ARHGEF10: variants seen among roughly 807,000 people sequenced by gnomAD.
ARHGEF10 encodes the protein Rho guanine nucleotide exchange factor 10.
ARHGEF10 carries 140 observed loss-of-function variants against 147.4 expected under a neutral mutation model. The ratio of observed to expected loss-of-function variants is 0.95; its 90% CI spans 0.83 to 1.09. The LOEUF (loss-of-function observed/expected upper bound fraction) is 1.09. Among genes scored for constraint, ARHGEF10 ranks in the 50% least tolerant of loss-of-function variants. ARHGEF10 has a pLI of 0.00. For synonymous variants in ARHGEF10, 902 were observed against 695.8 expected, an observed-to-expected ratio of 1.30 and a Z score of -4.67; for missense variants, 2,222 against 1,752.7, an observed-to-expected ratio of 1.27 and a Z score of -4.78.
intron 12 of ARHGEF10, among the ~76,000 whole-genome samples, chr8:1,894,063 A>G (rs1332364089): frequency 6.6e-6 from 1 of 151,616 alleles, no homozygotes; most frequent in Non-Finnish European, 1.5e-5. Flanking sequence ...GGTCCCAGCT[A>G]CTCGGGAGGC....
At chr8:1,936,764 C>G (rs903463909) in intron 26 of ARHGEF10, among the ~76,000 whole-genome samples, 1 of 152,208 alleles carries the variant, frequency 6.6e-6, no homozygotes, top group African/African-American at 2.4e-5. Context: ...CATATTTGCA[C>G]ACACTGACGA....
intron 18 of ARHGEF10, among the ~76,000 whole-genome samples, chr8:1,912,120 T>C (rs13278855): frequency 0.29 from 43,409 of 152,098 alleles, 6,453 homozygotes; most frequent in African/African-American, 0.36. Context: ...GGTAACCACC[T>C]GAGACCAGTG....
At chr8:1,879,171 C>T (rs965038594) in intron 8 of ARHGEF10, among the ~76,000 whole-genome samples, 15 of 152,298 alleles carry the variant, frequency 9.8e-5, no homozygotes, top group East Asian at 5.8e-4. Context: ...TGCCCCGAGA[C>T]GAGCCAGTGG....
intron 2 of ARHGEF10, among the ~76,000 whole-genome samples, chr8:1,847,156 G>A (rs1804624968): frequency 6.6e-6 from 1 of 152,202 alleles, no homozygotes; most frequent in South Asian, 2.1e-4. Flanking sequence ...TGTGCACCAG[G>A]AAAGATTTCA....
In ARHGEF10 at chr8:1,833,927, G is replaced by A. The variant is rs182610068; in HGVS notation, c.-47-9426G>A. ...AGCATTGTTGGGGAGCCGTGTCGGG[G>A]CTGCTGGGAGCCCCCCAATGACCAC... On this transcript the variant is annotated intron_variant, in intron 1 of 28. Transcript: ENST00000349830. 9.3e-4 allele frequency among the ~76,000 whole-genome samples: 141 copies of A among 152,292 alleles called. No homozygotes were observed. The East Asian group carries it at 0.025, about 27-fold the overall frequency.
intron 8 of ARHGEF10, among the ~76,000 whole-genome samples, chr8:1,877,797 G>A (rs1463426574): frequency 6.6e-6 from 1 of 152,030 alleles, no homozygotes; most frequent in African/African-American, 2.4e-5. Flanking sequence ...TGTACTTTCT[G>A]TGTGAGGCTG....
intron 17 of ARHGEF10, among the ~76,000 whole-genome samples, chr8:1,907,428 A>C (rs1435577282): frequency 6.6e-6 from 1 of 152,180 alleles, no homozygotes; most frequent in African/African-American, 2.4e-5. Context: ...AGATCATAGA[A>C]GTGAAATGAC....
At chr8:1,853,361 T>A (rs1460306616) in intron 2 of ARHGEF10, among the ~76,000 whole-genome samples, 1 of 152,228 alleles carries the variant, frequency 6.6e-6, no homozygotes, top group Non-Finnish European at 1.5e-5. Context: ...GGCCATGGTG[T>A]GTCCAGCGAA....
chr8:1,886,378 C>T (rs534028640), intron 11 of ARHGEF10, among the ~76,000 whole-genome samples: 60 of 152,250 alleles, frequency 3.9e-4, no homozygotes, highest in African/African-American at 1.3e-3. Context: ...GTGTAATCCA[C>T]GGATCTGGGG....
intron 2 of ARHGEF10, among the ~76,000 whole-genome samples, chr8:1,849,792 G>A (rs1162947040): frequency 1.4e-5 from 2 of 144,884 alleles, no homozygotes. Context: ...ATGCTGAGGA[G>A]GGCGTGGGCC....
In ARHGEF10 at chr8:1,928,577, C is replaced by T. The variant is rs1219448821; in HGVS notation, c.2848C>T (p.Pro950Ser). ...VEEKRREPGA[P>S]PDPETPAVRA... Reference sequence around the variant, plus strand: ...GGAGAAGCGCAGAGAGCCTGGGGCACCCCCGGACCCCGAGACCCCGGCCGT... The same window carrying T: ...GGAGAAGCGCAGAGAGCCTGGGGCATCCCCGGACCCCGAGACCCCGGCCGT... Residue 950 changes from proline (P) to serine (S), a missense_variant, in exon 24 of 29, where the codon CCC becomes TCC. Pro to Ser is a moderately conservative substitution (Grantham distance 74, BLOSUM62 -1). Transcript: ENST00000349830. The T allele has an allele frequency of 1.9e-6, 3 of 1,614,170 alleles. No homozygotes were observed. The highest frequency in any genetic ancestry group is 2.5e-6 in the Non-Finnish European group (3 of 1,180,034).
intron 4 of ARHGEF10, among the ~76,000 whole-genome samples, chr8:1,862,486 G>A (rs1443468897): frequency 6.6e-6 from 1 of 152,238 alleles, no homozygotes; most frequent in East Asian, 1.9e-4. Flanking sequence ...CTGTTTAGGC[G>A]ACTCCCTGGC....
At chr8:1,910,810 G>A (rs1322809980) in intron 18 of ARHGEF10, among the ~76,000 whole-genome samples, 1 of 152,136 alleles carries the variant, frequency 6.6e-6, no homozygotes, top group South Asian at 2.1e-4. Context: ...TATAATGCTA[G>A]CAATCTTAGA....
At chr8:1,933,110 C>G (rs1374222780) in intron 25 of ARHGEF10, among the ~76,000 whole-genome samples, 2 of 152,168 alleles carry the variant, frequency 1.3e-5, no homozygotes, top group African/African-American at 4.8e-5. Context: ...GATATATTTT[C>G]AAACCAGAAT....
intron 11 of ARHGEF10, among the ~76,000 whole-genome samples, chr8:1,887,008 C>T (rs1246612561): frequency 6.6e-6 from 1 of 152,162 alleles, no homozygotes; most frequent in African/African-American, 2.4e-5. Context: ...ACTTCATGCT[C>T]AGGAGTTATA....
At position 1,850,527 on chromosome 8, in the gene ARHGEF10, G is replaced by C. The variant is rs186415389; in HGVS notation, c.37+7091G>C. ...ACCCGCGTGGACACAGATGGCAAATGCTGAGGAGGGCGTGGGGCAGCTGCG... is the reference window on the plus strand; with the variant it reads ...ACCCGCGTGGACACAGATGGCAAATCCTGAGGAGGGCGTGGGGCAGCTGCG... On this transcript the variant is annotated intron_variant, in intron 2 of 28. Transcript: ENST00000349830. 4.3e-4 allele frequency among the ~76,000 whole-genome samples: 66 copies of C among 151,760 alleles called. No individual in the cohort carries two copies. In the East Asian group the frequency reaches 8.6e-3, roughly 20 times the overall value.
At chr8:1,953,168 C>T (rs1200272160) in intron 28 of ARHGEF10, among the ~76,000 whole-genome samples, 2 of 146,742 alleles carry the variant, frequency 1.4e-5, no homozygotes, top group African/African-American at 5.5e-5. Context: ...AAGAAGGAAG[C>T]CGGGATCTCC....
At chr8:1,838,399 G>A (rs1292687144) in intron 1 of ARHGEF10, among the ~76,000 whole-genome samples, 1 of 151,674 alleles carries the variant, frequency 6.6e-6, no homozygotes, top group Non-Finnish European at 1.5e-5. Flanking sequence ...AGGCCAGGCT[G>A]ACGAATGAAG....
chr8:1,869,028 C>G (rs994181016), intron 6 of ARHGEF10, among the ~76,000 whole-genome samples, 166 bp from the exon 7 acceptor site: 4 of 151,952 alleles, frequency 2.6e-5, no homozygotes, highest in African/African-American at 9.7e-5. Context: ...TCATTGTCTA[C>G]TAGTTGGGAC....
Sources: allele counts gnomAD v4.1 joint callset (sites outside exome capture counted in the v4.1 genomes callset), GRCh38; gene constraint gnomAD v4.1.1; transcripts MANE v1.5; gene names NCBI Gene and HGNC (gene_info 2026-07-23, HGNC 2026-07-21).